AKT3: variants seen among roughly 807,000 people sequenced by gnomAD.
AKT3 encodes the protein RAC-gamma serine/threonine-protein kinase.
Under a neutral mutation model 65.3 loss-of-function variants are expected in AKT3, and 15 were observed. The observed-to-expected ratio is 0.23, with a 90% CI of 0.15 to 0.35. The LOEUF (loss-of-function observed/expected upper bound fraction) is 0.35, where lower values mean the gene tolerates loss of function less well. Among genes scored for constraint, AKT3 ranks in the 10% least tolerant of loss-of-function variants. The pLI, the probability that AKT3 is intolerant of heterozygous loss-of-function variation, is 1.00. For synonymous variants in AKT3, 206 were observed against 183.8 expected, an observed-to-expected ratio of 1.12 and a Z score of -0.98; for missense variants, 243 against 576.5, an observed-to-expected ratio of 0.42 and a Z score of 5.92.
At chr1:243,798,393 A>ATTTTTTTTTTTTTTT (rs759264137) in intron 2 of AKT3, among the ~76,000 whole-genome samples, 23 of 83,324 alleles carry the variant, frequency 2.8e-4, no homozygotes, top group Non-Finnish European at 3.8e-4. Flanking sequence ...CTAATTTTTA[A>ATTTTTTTTTTTTTTT]TTTTTTTTTT....
intron 2 of AKT3, among the ~76,000 whole-genome samples, chr1:243,698,863 G>A (rs1414156169): frequency 6.6e-6 from 1 of 150,856 alleles, no homozygotes; most frequent in Non-Finnish European, 1.5e-5. Flanking sequence ...TTAACTTTCT[G>A]AGAAGATGCT....
chr1:243,495,854 CA>C (rs1166154810), downstream of AKT3, among the ~76,000 whole-genome samples: 3 of 152,254 alleles, frequency 2.0e-5, no homozygotes, highest in Middle Eastern at 3.4e-3. Flanking sequence ...CCGTAGATAT[CA>C]AACTGGCTGC....
At chr1:243,576,074 G>T (rs1291861603) in intron 8 of AKT3, among the ~76,000 whole-genome samples, 2 of 152,030 alleles carry the variant, frequency 1.3e-5, no homozygotes, top group African/African-American at 4.8e-5. Context: ...GCATAATTTG[G>T]ATCCACATAT....
chr1:243,551,349 A>G lies in AKT3; in HGVS notation c.1163+1380T>C, dbSNP rs573155977. 1.3e-3 allele frequency among the ~76,000 whole-genome samples: 199 copies of G among 152,314 alleles called. 1 individual carries two copies. Among genetic ancestry groups the G allele is most frequent in the African/African-American group, 4.5e-3 (188 of 41,562 alleles). ...GAAGAAGAAAACAAAATCACTTTAC[A>G]CATATAAATAATATCTGCAGCTAGG... On this transcript the variant is annotated intron_variant, in intron 11 of 13. Transcript: ENST00000673466.
At chr1:243,666,744 C>T (rs1343666629) in intron 3 of AKT3, among the ~76,000 whole-genome samples, 1 of 152,202 alleles carries the variant, frequency 6.6e-6, no homozygotes, top group African/African-American at 2.4e-5. Flanking sequence ...GACTACCCAA[C>T]ATCATAGATT....
downstream of AKT3, among the ~76,000 whole-genome samples, chr1:243,495,811 T>C (rs1667710820): frequency 6.6e-6 from 1 of 152,170 alleles, no homozygotes; most frequent in South Asian, 2.1e-4. Flanking sequence ...GCTTATTTCA[T>C]CCAGGTTGCC....
rs192596963 is a variant in AKT3, at chr1:243,659,125, G to C, written c.284+5647C>G. 4.6e-5 allele frequency among the ~76,000 whole-genome samples: 7 copies of C among 152,260 alleles called. No individual in the cohort carries two copies. The East Asian group carries it at 1.3e-3, about 29-fold the overall frequency. On this transcript the variant is annotated intron_variant, in intron 4 of 13. Coordinates refer to ENST00000673466, the MANE Select transcript of AKT3 (RefSeq NM_005465.7). Reference sequence around the variant, plus strand: ...AAAATCCTCTAATATGCTGTAACATGGATTAACTTTGAAGACATTATACTA... The same window carrying C: ...AAAATCCTCTAATATGCTGTAACATCGATTAACTTTGAAGACATTATACTA...
At chr1:243,644,384 G>A (rs975062093) in intron 5 of AKT3, among the ~76,000 whole-genome samples, 8 of 152,048 alleles carry the variant, frequency 5.3e-5, no homozygotes, top group Non-Finnish European at 2.9e-5. Context: ...AGAAAGGGAG[G>A]AGTTCAGATC....
intron 4 of AKT3, among the ~76,000 whole-genome samples, chr1:243,663,048 A>T (rs909758895): frequency 6.6e-6 from 1 of 152,230 alleles, no homozygotes; most frequent in Non-Finnish European, 1.5e-5. Context: ...ATATATTGAC[A>T]TGGGAAAAGT....
chr1:243,577,670 A>G (rs2148517182), intron 8 of AKT3, among the ~76,000 whole-genome samples: 1 of 152,352 alleles, frequency 6.6e-6, no homozygotes, highest in Middle Eastern at 3.4e-3. Flanking sequence ...AAGCAATTAC[A>G]ACAAAAGCAA....
intron 8 of AKT3, among the ~76,000 whole-genome samples, chr1:243,585,111 C>T (rs1439611611): frequency 6.6e-6 from 1 of 151,882 alleles, no homozygotes; most frequent in African/African-American, 2.4e-5. Context: ...TGATAACATC[C>T]AAGCTGAGAG....
intron 8 of AKT3, among the ~76,000 whole-genome samples, chr1:243,573,525 T>C (rs1487768644): frequency 1.3e-5 from 2 of 152,198 alleles, no homozygotes; most frequent in Non-Finnish European, 1.5e-5. Context: ...TGATTAATCA[T>C]GATATCTCTA....
At chr1:243,694,670 T>C (rs919959425) in intron 3 of AKT3, among the ~76,000 whole-genome samples, 8 of 151,938 alleles carry the variant, frequency 5.3e-5, no homozygotes, top group African/African-American at 1.7e-4. Context: ...AATTAAACAA[T>C]AGGAGTAAAA....
intron 8 of AKT3, among the ~76,000 whole-genome samples, chr1:243,604,871 G>A (rs1677280570): frequency 1.3e-5 from 2 of 152,158 alleles, no homozygotes; most frequent in Non-Finnish European, 2.9e-5. Context: ...TAATGTACTA[G>A]ATTATAAAGT....
At chr1:243,589,513 TTATAA>T (rs1676075352) in intron 8 of AKT3, among the ~76,000 whole-genome samples, 3 of 151,992 alleles carry the variant, frequency 2.0e-5, no homozygotes, top group Non-Finnish European at 2.9e-5. Context: ...AGGATGGCTA[TTATAA>T]AAAAGATGAG....
At chr1:243,515,388 T>TAA (rs35064713) in intron 12 of AKT3, among the ~76,000 whole-genome samples, 23 of 143,558 alleles carry the variant, frequency 1.6e-4, no homozygotes, top group Admixed American at 3.5e-4. Context: ...TTTACCATGT[T>TAA]AAAAAAAAAA....
At chr1:243,605,452 G>A (rs1677329467) in intron 8 of AKT3, among the ~76,000 whole-genome samples, 2 of 152,082 alleles carry the variant, frequency 1.3e-5, no homozygotes, top group Admixed American at 1.3e-4. Context: ...AAAGTAGGAA[G>A]TAACAAGGAG....
chr1:243,535,202 T>A (rs1219858995), intron 12 of AKT3, among the ~76,000 whole-genome samples: 1 of 148,520 alleles, frequency 6.7e-6, no homozygotes, highest in Non-Finnish European at 1.5e-5. Flanking sequence ...AAATATATTT[T>A]AAAATTATTT....
intron 2 of AKT3, among the ~76,000 whole-genome samples, chr1:243,840,166 G>A (rs535649725): frequency 4.6e-5 from 7 of 152,078 alleles, no homozygotes; most frequent in African/African-American, 9.6e-5. Context: ...ACGAGACTCC[G>A]TCTCAAAAAA....
Sources: allele counts gnomAD v4.1 joint callset (sites outside exome capture counted in the v4.1 genomes callset), GRCh38; gene constraint gnomAD v4.1.1; transcripts MANE v1.5; gene names NCBI Gene and HGNC (gene_info 2026-07-23, HGNC 2026-07-21).